MECOM: variants seen among roughly 807,000 people sequenced by gnomAD.
The protein encoded by MECOM is histone-lysine N-methyltransferase MECOM.
Under a neutral mutation model 116.3 loss-of-function variants are expected in MECOM, and 13 were observed. The ratio of observed to expected loss-of-function variants is 0.11; its 90% confidence interval spans 0.07 to 0.18. The LOEUF is 0.18. Ranked by LOEUF, MECOM falls within the 10% of genes least tolerant of loss-of-function variation. The pLI, the probability that MECOM is intolerant of heterozygous loss-of-function variation, is 1.00. For missense variants in MECOM, 1,299 were observed against 1,509.0 expected (o/e 0.86, Z 2.31); for synonymous variants, 528 against 535.2 (o/e 0.99, Z 0.19).
intron 2 of MECOM, among the ~76,000 whole-genome samples, chr3:169,373,574 T>G (rs1730510170): frequency 6.6e-6 from 1 of 152,036 alleles, no homozygotes; most frequent in African/African-American, 2.4e-5. Flanking sequence ...GTTTTTATTT[T>G]TAATTTTTGT....
intron 5 of MECOM, among the ~76,000 whole-genome samples, chr3:169,124,344 A>C (rs1450851782): frequency 6.6e-6 from 1 of 151,980 alleles, no homozygotes; most frequent in East Asian, 1.9e-4. Flanking sequence ...AAGAGAAAGA[A>C]GGTGGTGGAG....
intron 1 of MECOM, among the ~76,000 whole-genome samples, chr3:169,437,335 G>C (rs548265763): frequency 6.6e-6 from 1 of 152,234 alleles, no homozygotes; most frequent in Admixed American, 6.5e-5. Context: ...CTATTAAATT[G>C]GGTCTCAGAT....
At chr3:169,278,873 C>T (rs959766739) in intron 2 of MECOM, among the ~76,000 whole-genome samples, 4 of 152,148 alleles carry the variant, frequency 2.6e-5, no homozygotes, top group South Asian at 2.1e-4. Flanking sequence ...TGGGAACTGT[C>T]CAGTTTTTTC....
intron 1 of MECOM, among the ~76,000 whole-genome samples, chr3:169,405,875 T>G (rs1213126905): frequency 6.6e-6 from 1 of 152,160 alleles, no homozygotes. Flanking sequence ...TGAATTTAAT[T>G]GAACAAGGGT....
intron 2 of MECOM, among the ~76,000 whole-genome samples, chr3:169,168,067 TA>T (rs1743870315): frequency 6.6e-6 from 1 of 152,198 alleles, no homozygotes; most frequent in South Asian, 2.1e-4. Flanking sequence ...ATTCTATTGT[TA>T]AAAAATTTGA....
At chr3:169,270,673 G>A (rs904155495) in intron 2 of MECOM, among the ~76,000 whole-genome samples, 2 of 151,978 alleles carry the variant, frequency 1.3e-5, no homozygotes, top group African/African-American at 2.4e-5. Context: ...ACATTCAGTA[G>A]GGTTTTTGTT....
At chr3:169,229,770 T>C (rs769988139) in intron 2 of MECOM, among the ~76,000 whole-genome samples, 5 of 152,170 alleles carry the variant, frequency 3.3e-5, no homozygotes, top group Non-Finnish European at 5.9e-5. Context: ...CCAGGTGCTA[T>C]TATGCTTTAA....
intron 1 of MECOM, among the ~76,000 whole-genome samples, chr3:169,492,753 G>C (rs1753248934): frequency 6.6e-6 from 1 of 152,130 alleles, no homozygotes; most frequent in African/African-American, 2.4e-5. Flanking sequence ...CTTGAGGTCA[G>C]GAGTTCAAGA....
intron 1 of MECOM, among the ~76,000 whole-genome samples, chr3:169,388,745 C>G (rs1733775440): frequency 6.6e-6 from 1 of 152,150 alleles, no homozygotes; most frequent in Admixed American, 6.5e-5. Context: ...ACCCGTGTCT[C>G]TAGATACGAC....
intron 1 of MECOM, among the ~76,000 whole-genome samples, chr3:169,396,806 C>T (rs2108368959): frequency 1.3e-5 from 2 of 152,078 alleles, no homozygotes; most frequent in Middle Eastern, 6.8e-3. Context: ...ACTGTCACTA[C>T]TAAAAAAAAT....
chr3:169,434,048 A>G, intron 1 of MECOM, among the ~76,000 whole-genome samples: 1 of 152,196 alleles, frequency 6.6e-6, no homozygotes, highest in East Asian at 1.9e-4. Flanking sequence ...GTAATTGATA[A>G]TTAAGATTAT....
chr3:169,587,282 T>C (rs1193938520), intron 1 of MECOM, among the ~76,000 whole-genome samples: 1 of 152,194 alleles, frequency 6.6e-6, no homozygotes, highest in Non-Finnish European at 1.5e-5. Context: ...AGCCTGGAGC[T>C]GTCACCAAAT....
At chr3:169,096,223 TG>T (rs1560128183) in intron 12 of MECOM, among the ~76,000 whole-genome samples, 2 of 151,902 alleles carry the variant, frequency 1.3e-5, no homozygotes, top group Non-Finnish European at 2.9e-5. Flanking sequence ...TTTATGATTT[TG>T]GGGGGCATGT....
chr3:169,253,401 T>TC (rs1422157956), intron 2 of MECOM, among the ~76,000 whole-genome samples: 1 of 151,854 alleles, frequency 6.6e-6, no homozygotes, highest in East Asian at 1.9e-4. Flanking sequence ...CTTTTTTTTT[T>TC]TTTCTTGAGC....
chr3:169,526,011 G>T lies in MECOM; in HGVS notation c.37+137325C>A, dbSNP rs1236259898. ...CCACTGCACTCCAGCCTGGGCATAA[G>T]AGCGAAAACCCCATCTTGAAGGAAA... is the stretch of plus-strand genomic sequence containing the variant. On this transcript the variant is annotated intron_variant, in intron 1 of 16. Coordinates refer to ENST00000651503, the MANE Select transcript of MECOM (RefSeq NM_004991.4). Among the ~76,000 whole-genome samples the T allele has an allele frequency of 2.0e-5, 3 of 146,494 alleles. No homozygotes were observed. In the East Asian group the frequency reaches 5.9e-4, roughly 29 times the overall value.
intron 12 of MECOM, among the ~76,000 whole-genome samples, chr3:169,096,277 T>G (rs935476093): frequency 9.9e-5 from 15 of 151,894 alleles, no homozygotes; most frequent in South Asian, 2.1e-4. Context: ...GACCTTTTTT[T>G]TTTTTGTTTT....
chr3:169,594,578 G>A lies in MECOM; in HGVS notation c.37+68758C>T, dbSNP rs575281289. ...CCACTACCCTGAAGGAATACTGGGA[G>A]AAGAGGAGTTTCCATTAGTCCTTCT... is the stretch of plus-strand genomic sequence containing the variant. On this transcript the variant is annotated intron_variant, in intron 1 of 16. Coordinates refer to ENST00000651503, the MANE Select transcript of MECOM (RefSeq NM_004991.4). Among the ~76,000 whole-genome samples, 718 of 151,922 alleles carry A rather than the reference G, an allele frequency of 4.7e-3. 5 individuals carry two copies. Among genetic ancestry groups the A allele is most frequent in the African/African-American group, 0.017 (685 of 41,418 alleles).
intron 2 of MECOM, among the ~76,000 whole-genome samples, chr3:169,191,743 AAAGAAAG>A (rs1747671407): frequency 8.5e-6 from 1 of 117,220 alleles, no homozygotes; most frequent in African/African-American, 3.2e-5. Flanking sequence ...AAAGAAAGAG[AAAGAAAG>A]AAAGAAAGAA....
intron 2 of MECOM, among the ~76,000 whole-genome samples, chr3:169,156,943 C>T (rs1380178277): frequency 1.3e-5 from 2 of 152,062 alleles, no homozygotes; most frequent in Non-Finnish European, 2.9e-5. Context: ...GACTGTCTAA[C>T]CACGAAACTA....
Sources: gnomAD v4.1 joint callset for allele counts (sites outside exome capture counted in the v4.1 genomes callset) on GRCh38, gnomAD v4.1.1 for gene constraint, MANE v1.5 for transcripts, NCBI Gene and HGNC (gene_info 2026-07-23, HGNC 2026-07-21) for gene names.